Variants in NCOA6 observed in about 807,000 individuals in gnomAD.
The protein encoded by NCOA6 is NRC RAP250.
A neutral mutation model predicts 171.4 loss-of-function variants in NCOA6; 49 were observed. The ratio of observed to expected loss-of-function variants is 0.29; its 90% CI spans 0.23 to 0.36. NCOA6 has a LOEUF of 0.36. Among genes scored for constraint, NCOA6 ranks in the 10% least tolerant of loss-of-function variants. The probability of loss-of-function intolerance (pLI) is 1.00; values close to 1 mark genes in which losing one functional copy is unlikely to be tolerated. For missense variants in NCOA6, 2,248 were observed against 2,554.5 expected, an observed-to-expected ratio of 0.88 and a Z score of 2.59; for synonymous variants, 910 against 927.5, an observed-to-expected ratio of 0.98 and a Z score of 0.34.
chr20:34,782,377 A>G lies in NCOA6; in HGVS notation c.-22T>C. 2.0e-6 allele frequency: 3 copies of G among 1,471,346 alleles called. No homozygotes were observed. The highest frequency in any genetic ancestry group is 2.8e-6 in the Non-Finnish European group (3 of 1,070,022). 91.1% of individuals were successfully genotyped at this position (1,471,346 alleles called of 1,614,324 possible). ...CCATGGTGAATATTATTCCAGAAGC[A>G]TATGCCAAGAGGACAATAAGAAAAC... On this transcript the variant is annotated 5_prime_UTR_variant, in exon 3 of 15. It removes an upstream start codon present in the reference 5' UTR. Transcript: ENST00000359003.
intron 14 of NCOA6, among the ~76,000 whole-genome samples, chr20:34,719,646 G>GC (rs1268904835): frequency 2.0e-5 from 3 of 149,414 alleles, no homozygotes; most frequent in Non-Finnish European, 3.0e-5. Context: ...AAAGTAATTT[G>GC]CAAGACTCCA....
intron 4 of NCOA6, among the ~76,000 whole-genome samples, chr20:34,771,517 C>T (rs571003075): frequency 1.3e-5 from 2 of 152,250 alleles, no homozygotes; most frequent in East Asian, 1.9e-4. Context: ...ATACTTACAG[C>T]GCACGTCAGT....
intron 1 of NCOA6, chr20:34,819,706 G>A (rs1402832068): frequency 6.6e-6 from 1 of 152,172 alleles, no homozygotes; most frequent in African/African-American, 2.4e-5. Context: ...TGAGGAATCA[G>A]AAATGAACAG....
At chr20:34,718,400 GTTTT>G (rs1568697923) in intron 14 of NCOA6, among the ~76,000 whole-genome samples, 8 of 151,158 alleles carry the variant, frequency 5.3e-5, no homozygotes, top group Admixed American at 5.3e-4. Flanking sequence ...CTTTTGATGA[GTTTT>G]TTTGTTTTGG....
intron 8 of NCOA6, 105 bp downstream of exon 8, chr20:34,754,617 G>A: frequency 7.6e-7 from 1 of 1,321,932 alleles, no homozygotes; most frequent in Non-Finnish European, 1.0e-6. Context: ...TTGAAATTAA[G>A]GGGAGAGACC....
At chr20:34,759,336 G>C (rs368956672) in intron 5 of NCOA6, among the ~76,000 whole-genome samples, 1 of 152,014 alleles carries the variant, frequency 6.6e-6, no homozygotes, top group Non-Finnish European at 1.5e-5. Context: ...TACTGCACCC[G>C]GCCTGGAAGT....
chr20:34,788,889 AACATAGC>A (rs1259656765), intron 2 of NCOA6, among the ~76,000 whole-genome samples: 2 of 152,192 alleles, frequency 1.3e-5, no homozygotes, highest in Non-Finnish European at 2.9e-5. Context: ...GGTTGCGGTG[AACATAGC>A]GCCATTGCAT....
chr20:34,735,334 T>C (rs949725098), intron 12 of NCOA6, among the ~76,000 whole-genome samples: 25 of 152,064 alleles, frequency 1.6e-4, no homozygotes, highest in Non-Finnish European at 2.6e-4. Flanking sequence ...ATGTGGGCAA[T>C]TGGCAGCAAA....
intron 1 of NCOA6, chr20:34,819,903 T>C (rs2078954828): frequency 6.6e-6 from 1 of 152,080 alleles, no homozygotes; most frequent in Admixed American, 6.6e-5. Context: ...CAGTGCTTAA[T>C]AAGGACCTGA....
intron 2 of NCOA6, among the ~76,000 whole-genome samples, chr20:34,786,023 A>T (rs1035669531): frequency 4.6e-5 from 7 of 152,286 alleles, no homozygotes; most frequent in Middle Eastern, 3.4e-3. Context: ...GTTAATTGGT[A>T]TACTCAGAGA....
intron 1 of NCOA6, among the ~76,000 whole-genome samples, chr20:34,794,281 A>T (rs1245573361): frequency 1.3e-5 from 2 of 152,188 alleles, no homozygotes; most frequent in African/African-American, 4.8e-5. Flanking sequence ...TGGGCAACAC[A>T]GTGAAACTTC....
intron 12 of NCOA6, among the ~76,000 whole-genome samples, chr20:34,733,725 A>T (rs1338923564): frequency 2.0e-5 from 3 of 151,846 alleles, no homozygotes; most frequent in African/African-American, 7.3e-5. Context: ...GCAAGGTGCT[A>T]GTAGAAGGGA....
At chr20:34,720,807 G>A (rs1334327131) in intron 14 of NCOA6, among the ~76,000 whole-genome samples, 2 of 152,142 alleles carry the variant, frequency 1.3e-5, no homozygotes, top group African/African-American at 4.8e-5. Context: ...GATATTTGGT[G>A]ATCACATTCT....
Position 34,742,051 on chromosome 20 carries a change from G to A in NCOA6, c.4205C>T (p.Thr1402Ile). 6.2e-7 allele frequency: 1 copy of A among 1,612,904 alleles called. No homozygotes were observed. Among genetic ancestry groups the A allele is most frequent in the Non-Finnish European group, 8.5e-7 (1 of 1,180,024 alleles). The change falls in exon 11 of 15, where the codon ACT becomes ATT. Residue 1402 changes from threonine (T) to isoleucine (I), a missense_variant. Around this residue, in one of 7 missense-constraint regions of NCOA6, gnomAD observed 884 missense variants for 941.9 expected, o/e 0.94. Coordinates refer to ENST00000359003, the MANE Select transcript of NCOA6 (RefSeq NM_014071.5). ...NNSGLNPQNS[T>I]VSVAAVGGVV... ...ACCCCCAACTGCAGCCACAGACACA[G>A]TAGAATTCTGAGGATTCAGCCCACT...
In NCOA6 at chr20:34,757,367, T is replaced by G; in HGVS notation, c.1381A>C (p.Asn461His). The G allele has an allele frequency of 6.2e-7, 1 of 1,614,072 alleles. No individual in the cohort carries two copies. The highest frequency in any genetic ancestry group is 8.5e-7 in the Non-Finnish European group (1 of 1,180,002). ...QQMGPRPPQNNPLPQGFQQPV... is the reference protein window; with the variant it reads ...QQMGPRPPQNHPLPQGFQQPV... Reference sequence around the variant, plus strand: ...TGCTGAAATCCCTGGGGAAGTGGGTTATTTTGAGGTGGCCTTGGTCCCATC... The same window carrying G: ...TGCTGAAATCCCTGGGGAAGTGGGTGATTTTGAGGTGGCCTTGGTCCCATC... The change falls in exon 7 of 15, where the codon AAC becomes CAC. Residue 461 changes from asparagine to histidine, a missense_variant. This residue lies in a region of NCOA6 where 987 missense variants were observed against 1,104.7 expected (regional missense o/e 0.89). Coordinates refer to ENST00000359003, the MANE Select transcript of NCOA6 (RefSeq NM_014071.5).
In NCOA6 at chr20:34,776,960, T is replaced by C. The variant is rs141059984; in HGVS notation, c.236-512A>G. ...AATGAAACCCCGTCTCTACTAAAAATATAAAAATTTGCTGGGCATGGTGGC... is the reference window on the plus strand; with the variant it reads ...AATGAAACCCCGTCTCTACTAAAAACATAAAAATTTGCTGGGCATGGTGGC... On this transcript the variant is annotated intron_variant, in intron 3 of 14. Coordinates refer to ENST00000359003, the MANE Select transcript of NCOA6 (RefSeq NM_014071.5). Among the ~76,000 whole-genome samples, 128 of 151,856 alleles carry C rather than the reference T, an allele frequency of 8.4e-4. 5 individuals carry two copies. The East Asian group carries it at 0.024, about 28-fold the overall frequency.
At chr20:34,802,183 T>A (rs139192010) in intron 1 of NCOA6, among the ~76,000 whole-genome samples, 1 of 152,200 alleles carries the variant, frequency 6.6e-6, no homozygotes, top group Non-Finnish European at 1.5e-5. Context: ...AAATCATTCA[T>A]AGGCTGGGTG....
chr20:34,820,500 G>A (rs2078974671), intron 1 of NCOA6: 1 of 152,118 alleles, frequency 6.6e-6, no homozygotes, highest in Non-Finnish European at 1.5e-5. Context: ...GCCAGGCGCA[G>A]TGGCTCACAC....
intron 14 of NCOA6, among the ~76,000 whole-genome samples, chr20:34,717,480 G>A (rs963101931): frequency 3.9e-5 from 6 of 151,988 alleles, no homozygotes; most frequent in East Asian, 1.9e-4. Flanking sequence ...AAAGAAGTGC[G>A]GTCTAGATGA....
Sources: allele counts gnomAD v4.1 joint callset (sites outside exome capture counted in the v4.1 genomes callset), GRCh38; gene constraint gnomAD v4.1.1; regional missense constraint gnomAD v4.1.1; transcripts MANE v1.5; gene names NCBI Gene and HGNC (gene_info 2026-07-23, HGNC 2026-07-21).